The following CHRDL1 variants were observed in gnomAD, a reference collection of about 807,000 sequenced individuals.
CHRDL1 encodes the protein chordin-like protein 1.
CHRDL1 carries 19 observed loss-of-function variants against 40.9 expected under a neutral mutation model. The ratio of observed to expected loss-of-function variants is 0.46; its 90% CI spans 0.32 to 0.68. The LOEUF (loss-of-function observed/expected upper bound fraction) is 0.68, where lower values mean the gene tolerates loss of function less well. CHRDL1 is among the 30% of genes least tolerant of loss of function. CHRDL1 has a pLI of 0.03. For missense variants in CHRDL1, 329 were observed against 352.1 expected, an observed-to-expected ratio of 0.93 and a Z score of 0.53; for synonymous variants, 136 against 123.4, an observed-to-expected ratio of 1.10 and a Z score of -0.68.
chrX:110,749,663 C>G (rs1344431215), intron 4 of CHRDL1, among the ~76,000 whole-genome samples: 1 of 111,693 alleles, frequency 9.0e-6, no homozygotes, highest in Non-Finnish European at 1.9e-5. Flanking sequence ...AACTGACACC[C>G]TAAGTCTGCC....
At chrX:110,703,396 T>A (rs1174303433) in intron 6 of CHRDL1, among the ~76,000 whole-genome samples, 2 of 112,237 alleles carry the variant, frequency 1.8e-5, no homozygotes, top group Non-Finnish European at 3.8e-5. Context: ...CATGTCTGAG[T>A]AAAGATTGTA....
At chrX:110,722,471 T>C (rs1171030246) in intron 4 of CHRDL1, among the ~76,000 whole-genome samples, 2 of 110,794 alleles carry the variant, frequency 1.8e-5, no homozygotes, top group Non-Finnish European at 3.8e-5. Context: ...CGAAGCATTC[T>C]CTAAATAACT....
intron 5 of CHRDL1, 120 bp downstream of exon 5, chrX:110,721,265 A>T: frequency 1.4e-6 from 1 of 701,824 alleles, no homozygotes; most frequent in Non-Finnish European, 2.2e-6. Context: ...CTTATGATTT[A>T]ATGCAAGTCA....
intron 4 of CHRDL1, among the ~76,000 whole-genome samples, chrX:110,731,509 G>A (rs746792223): frequency 3.9e-4 from 43 of 111,460 alleles, no homozygotes; most frequent in African/African-American, 1.3e-3. Flanking sequence ...CAAAAAAATT[G>A]AAAGAAGGAA....
intron 2 of CHRDL1, among the ~76,000 whole-genome samples, chrX:110,773,723 CAAAAAAA>C (rs1171179610): frequency 2.8e-5 from 1 of 35,356 alleles, no homozygotes; most frequent in African/African-American, 9.5e-5. Context: ...GAGACTGCCT[CAAAAAAA>C]AAAAAAAAAA....
At chrX:110,713,153 C>G (rs141680994) in intron 6 of CHRDL1, among the ~76,000 whole-genome samples, 242 of 111,455 alleles carry the variant, frequency 2.2e-3, no homozygotes, top group Middle Eastern at 0.014. Context: ...ACCTCCCTGA[C>G]TAGGTCAACC....
chrX:110,691,914 T>C (rs1242365556), intron 8 of CHRDL1, among the ~76,000 whole-genome samples: 1 of 107,970 alleles, frequency 9.3e-6, no homozygotes, highest in Admixed American at 9.8e-5. Context: ...TTCACTCTCC[T>C]GCCCTTACCT....
intron 2 of CHRDL1, among the ~76,000 whole-genome samples, chrX:110,783,737 C>G (rs1275257847): frequency 9.0e-6 from 1 of 111,335 alleles, no homozygotes; most frequent in African/African-American, 3.3e-5. Flanking sequence ...AGGTGGCTAT[C>G]TCTGCTACTT....
intron 6 of CHRDL1, among the ~76,000 whole-genome samples, chrX:110,708,705 G>C (rs778643117): frequency 1.2e-4 from 13 of 111,656 alleles, no homozygotes; most frequent in Admixed American, 3.8e-4. Context: ...TTGTGAGAAT[G>C]CATGCGTTTC....
At chrX:110,768,422 C>T (rs764291374) in intron 2 of CHRDL1, among the ~76,000 whole-genome samples, 1 of 110,851 alleles carries the variant, frequency 9.0e-6, no homozygotes, top group Non-Finnish European at 1.9e-5. Context: ...TGTATCCTAT[C>T]TGGGTGTATC....
intron 6 of CHRDL1, among the ~76,000 whole-genome samples, chrX:110,709,243 C>G (rs1050410935): frequency 2.7e-5 from 3 of 112,497 alleles, no homozygotes; most frequent in African/African-American, 9.7e-5. Flanking sequence ...TCCTAATCCC[C>G]TTTCTTCCCA....
chrX:110,694,366 C>G, intron 7 of CHRDL1, 35 bp from the exon 8 acceptor site: 1 of 1,084,113 alleles, frequency 9.2e-7, no homozygotes, highest in Admixed American at 2.3e-5. Flanking sequence ...AGTCCAAAAG[C>G]CACCAATGAG....
At chrX:110,746,001 A>G (rs1168808014) in intron 4 of CHRDL1, among the ~76,000 whole-genome samples, 1 of 111,974 alleles carries the variant, frequency 8.9e-6, no homozygotes, top group Non-Finnish European at 1.9e-5. Flanking sequence ...ATTGTGGAAC[A>G]TTTTGCATCT....
chrX:110,735,522 G>A (rs767189384), intron 4 of CHRDL1, among the ~76,000 whole-genome samples: 11 of 111,891 alleles, frequency 9.8e-5, no homozygotes, highest in Admixed American at 1.9e-4. Context: ...ATCCAGAACC[G>A]CACTCCCAAC....
intron 4 of CHRDL1, among the ~76,000 whole-genome samples, chrX:110,752,740 G>T (rs2089381513): frequency 9.0e-6 from 1 of 111,092 alleles, no homozygotes; most frequent in Admixed American, 9.6e-5. Flanking sequence ...GCACACTACA[G>T]CTATTGTAGT....
In CHRDL1 at chrX:110,795,786, C is replaced by G. The variant is rs976113345; in HGVS notation, c.-77G>C. 1 of 112,743 alleles carries G rather than the reference C, an allele frequency of 8.9e-6. No individual in the cohort carries two copies. The highest frequency in any genetic ancestry group is 9.3e-5 in the Admixed American group (1 of 10,771). The allele number at this position is 112,743 out of a possible 1,213,427, so 9.3% of individuals were successfully genotyped here. ...CCGTCTGCCACGCGTGCACGCGCTC[C>G]GAGCTCCCCGGGGCGCTCTCGTCCG... On this transcript the variant is annotated 5_prime_UTR_variant, in exon 1 of 12. Coordinates refer to ENST00000372042, the MANE Select transcript of CHRDL1 (RefSeq NM_001143981.2).
At chrX:110,681,728 G>T in intron 9 of CHRDL1, 79 bp from the exon 10 acceptor site, 1 of 704,885 alleles carries the variant, frequency 1.4e-6, no homozygotes, top group Non-Finnish European at 2.2e-6. Context: ...GTATCTCATT[G>T]TTCATAACAT....
intron 6 of CHRDL1, among the ~76,000 whole-genome samples, chrX:110,713,215 G>C (rs1288707102): frequency 9.0e-6 from 1 of 111,592 alleles, no homozygotes; most frequent in Non-Finnish European, 1.9e-5. Context: ...ATGTGGCACA[G>C]TTGCAATTTT....
chrX:110,746,453 T>G (rs1385751871), intron 4 of CHRDL1, among the ~76,000 whole-genome samples: 1 of 111,835 alleles, frequency 8.9e-6, no homozygotes, highest in African/African-American at 3.3e-5. Context: ...GAGTGCATTC[T>G]CAGCACTACC....
Sources: gnomAD v4.1 joint callset for allele counts (sites outside exome capture counted in the v4.1 genomes callset) on GRCh38, gnomAD v4.1.1 for gene constraint, MANE v1.5 for transcripts, NCBI Gene and HGNC (gene_info 2026-07-23, HGNC 2026-07-21) for gene names.